RFT1: variants seen among roughly 807,000 people sequenced by gnomAD.
RFT1 encodes man(5)GlcNAc(2)-PP-dolichol translocation protein RFT1.
In RFT1, 43 loss-of-function variants were observed where a neutral mutation model predicts 62.2. The ratio of observed to expected loss-of-function variants is 0.69; its 90% CI spans 0.54 to 0.89. RFT1 has a LOEUF of 0.89. Ranked by LOEUF, RFT1 falls within the 40% of genes least tolerant of loss-of-function variation. The pLI is 0.00. For synonymous variants in RFT1, 262 were observed against 264.6 expected, an observed-to-expected ratio of 0.99 and a Z score of 0.10; for missense variants, 605 against 649.9, an observed-to-expected ratio of 0.93 and a Z score of 0.75.
intron 2 of RFT1, 40 bp downstream of exon 2, chr3:53,125,869 A>C: frequency 6.8e-7 from 1 of 1,478,580 alleles, no homozygotes; most frequent in African/African-American, 1.4e-5. Flanking sequence ...CCTGGCTAGG[A>C]AGGTGAACTC....
chr3:53,084,871 C>T (rs995495364), downstream of RFT1, among the ~76,000 whole-genome samples: 4 of 152,178 alleles, frequency 2.6e-5, no homozygotes, highest in Non-Finnish European at 5.9e-5. Flanking sequence ...TGTTATGTCA[C>T]GGGTCCCCAT....
chr3:53,105,817 A>C lies in RFT1; in HGVS notation c.827-14T>G, dbSNP rs571722733. The C allele has an allele frequency of 6.2e-7, 1 of 1,608,574 alleles. No homozygotes were observed. Among genetic ancestry groups the C allele is most frequent in the Non-Finnish European group, 8.5e-7 (1 of 1,176,678 alleles). On this transcript the variant is annotated splice_polypyrimidine_tract_variant and intron_variant, in intron 8 of 12. Coordinates refer to ENST00000296292, the MANE Select transcript of RFT1 (RefSeq NM_052859.4). ...TATCATACACACCTACAAAACAAAA[A>C]AGAAGAAACAACAATCATGTTGGTT...
chr3:53,093,689 T>C (rs1039011399), intron 11 of RFT1, among the ~76,000 whole-genome samples: 15 of 152,038 alleles, frequency 9.9e-5, no homozygotes, highest in Non-Finnish European at 2.1e-4. Context: ...GAGATCAGCC[T>C]GGACAACAGA....
At chr3:53,075,592 G>GT in the RFT1 span, among the ~76,000 whole-genome samples, 4 of 152,214 alleles carry the variant, frequency 2.6e-5, no homozygotes. Flanking sequence ...TGGTGTCTGG[G>GT]TAAGAGCTCT....
At chr3:53,086,556 T>G (rs1302336592), downstream of RFT1, among the ~76,000 whole-genome samples, 3 of 152,160 alleles carry the variant, frequency 2.0e-5, no homozygotes, top group African/African-American at 7.2e-5. Context: ...CCTCAGGCGA[T>G]CCACCTGCCT....
At chr3:53,101,402 C>T (rs888759557) in intron 10 of RFT1, among the ~76,000 whole-genome samples, 3 of 152,120 alleles carry the variant, frequency 2.0e-5, no homozygotes, top group African/African-American at 4.8e-5. Context: ...GGCCTCCTTA[C>T]GTGGTAACTG....
chr3:53,116,922 C>A lies in RFT1; in HGVS notation c.696+2962G>T, dbSNP rs1354883261. On this transcript the variant is annotated intron_variant, in intron 6 of 12. Transcript: ENST00000296292. The stretch of plus-strand genomic sequence containing the variant: ...CCGGGCTTCTTTTTAAAATAATAAA[C>A]CTGAATTATGAATTGTTCCACCTGG... Among the ~76,000 whole-genome samples, 8 of 152,246 alleles carry A rather than the reference C, an allele frequency of 5.3e-5. No individual in the cohort carries two copies. In the East Asian group the frequency reaches 1.5e-3, roughly 29 times the overall value.
the RFT1 span, among the ~76,000 whole-genome samples, chr3:53,079,055 C>T: frequency 3.3e-5 from 5 of 152,248 alleles, no homozygotes; most frequent in Non-Finnish European, 7.3e-5. Flanking sequence ...TCTGGATCAA[C>T]AGCAGGTCCT....
At chr3:53,093,557 G>A (rs1701055885) in intron 11 of RFT1, among the ~76,000 whole-genome samples, 1 of 152,304 alleles carries the variant, frequency 6.6e-6, no homozygotes, top group South Asian at 2.1e-4. Flanking sequence ...AGCCATGTCT[G>A]CTGGGTTAGA....
At chr3:53,081,966 CAG>C in the RFT1 span, among the ~76,000 whole-genome samples, 11 of 152,112 alleles carry the variant, frequency 7.2e-5, no homozygotes, top group Non-Finnish European at 1.3e-4. Flanking sequence ...GTTTTTGAAA[CAG>C]AGTCTCACTC....
At chr3:53,075,159 T>TTCCCC in the RFT1 span, among the ~76,000 whole-genome samples, 15 of 152,232 alleles carry the variant, frequency 9.9e-5, no homozygotes, top group African/African-American at 3.6e-4. Context: ...CTCCCTTCCC[T>TTCCCC]TCCCCTGCTT....
intron 11 of RFT1, among the ~76,000 whole-genome samples, chr3:53,098,651 A>C (rs1701217535): frequency 1.3e-5 from 2 of 151,994 alleles, no homozygotes; most frequent in South Asian, 4.2e-4. Context: ...AAATACAAAA[A>C]ATTAGCCAGG....
intron 7 of RFT1, among the ~76,000 whole-genome samples, chr3:53,110,478 G>A (rs779622533): frequency 2.6e-5 from 4 of 152,080 alleles, no homozygotes; most frequent in Non-Finnish European, 4.4e-5. Flanking sequence ...AGAAGGCCTC[G>A]GAACGGTTTC....
the RFT1 span, among the ~76,000 whole-genome samples, chr3:53,079,652 G>A: frequency 6.6e-6 from 1 of 152,122 alleles, no homozygotes; most frequent in Non-Finnish European, 1.5e-5. Flanking sequence ...GAGAATCGCA[G>A]AGGTTGCAGT....
At chr3:53,081,145 T>C in the RFT1 span, among the ~76,000 whole-genome samples, 34 of 152,252 alleles carry the variant, frequency 2.2e-4, no homozygotes, top group Admixed American at 1.0e-3. Context: ...GAGGACATCA[T>C]AAGAACCAGC....
Position 53,129,091 on chromosome 3 carries a change from TCA to T in RFT1, c.63+1245_63+1246del. On this transcript the variant is annotated intron_variant, in intron 1 of 12. Transcript: ENST00000296292. ...CAACATTGTGGATAAAACAATAAAC[TCA>T]GTTATTTATGTAGTGAAACAGAAAA... Among the ~76,000 whole-genome samples, 4 of 152,206 alleles carry T rather than the reference TCA, an allele frequency of 2.6e-5. No individual in the cohort carries two copies. In the Middle Eastern group the frequency reaches 0.01, roughly 391 times the overall value.
chr3:53,071,282 C>T, the RFT1 span, among the ~76,000 whole-genome samples: 11 of 152,126 alleles, frequency 7.2e-5, no homozygotes, highest in Non-Finnish European at 1.5e-4. Flanking sequence ...AGACCTGAGC[C>T]GGCGTGTCCC....
At chr3:53,082,100 C>T in the RFT1 span, among the ~76,000 whole-genome samples, 5 of 151,938 alleles carry the variant, frequency 3.3e-5, no homozygotes, top group Admixed American at 6.6e-5. Flanking sequence ...AGAGCCACCA[C>T]GCCCAGCTAA....
At chr3:53,072,275 C>T in the RFT1 span, among the ~76,000 whole-genome samples, 1 of 152,178 alleles carries the variant, frequency 6.6e-6, no homozygotes, top group African/African-American at 2.4e-5. Context: ...CAGCATCATC[C>T]TGCCCGGGCG....
Sources: allele counts gnomAD v4.1 joint callset (sites outside exome capture counted in the v4.1 genomes callset), GRCh38; gene constraint gnomAD v4.1.1; transcripts MANE v1.5; gene names NCBI Gene and HGNC (gene_info 2026-07-23, HGNC 2026-07-21).